THEMIS: variants seen among roughly 807,000 people sequenced by gnomAD.
The protein encoded by THEMIS is thymocyte selection associated.
Under a neutral mutation model 52.6 loss-of-function variants are expected in THEMIS, and 37 were observed. The ratio of observed to expected loss-of-function variants is 0.70; its 90% CI spans 0.54 to 0.93. The LOEUF (loss-of-function observed/expected upper bound fraction) is 0.93, where lower values mean the gene tolerates loss of function less well. THEMIS is among the 40% of genes least tolerant of loss of function. The pLI is 0.00. For missense variants in THEMIS, 808 were observed against 763.1 expected (o/e 1.06, Z -0.69); for synonymous variants, 292 against 272.7 (o/e 1.07, Z -0.70).
intron 4 of THEMIS, among the ~76,000 whole-genome samples, chr6:127,742,350 A>C (rs893717474): frequency 6.7e-6 from 1 of 148,262 alleles, no homozygotes; most frequent in Admixed American, 6.7e-5. Flanking sequence ...ACAAACAAAA[A>C]AACAAAAAAA....
chr6:127,907,373 G>T (rs1224274922), intron 1 of THEMIS, among the ~76,000 whole-genome samples: 2 of 32,952 alleles, frequency 6.1e-5, no homozygotes, highest in South Asian at 7.3e-4. Flanking sequence ...TTTTGCATGA[G>T]CGACATTTCA....
intron 3 of THEMIS, among the ~76,000 whole-genome samples, chr6:127,822,660 A>C (rs1048982358): frequency 2.0e-5 from 3 of 152,140 alleles, no homozygotes; most frequent in Non-Finnish European, 2.9e-5. Flanking sequence ...TTACATATCA[A>C]CTTGCTTAGG....
chr6:127,711,809 G>A (rs980649136), intron 5 of THEMIS, among the ~76,000 whole-genome samples: 6 of 151,938 alleles, frequency 3.9e-5, no homozygotes, highest in African/African-American at 7.2e-5. Context: ...GGAGCAGGGG[G>A]ATGGGATGAA....
chr6:127,825,897 C>T (rs1778491041), intron 3 of THEMIS, among the ~76,000 whole-genome samples: 1 of 152,076 alleles, frequency 6.6e-6, no homozygotes, highest in African/African-American at 2.4e-5. Flanking sequence ...ATAAGGTCGT[C>T]ATCGCAGAAA....
intron 1 of THEMIS, among the ~76,000 whole-genome samples, chr6:127,917,700 C>A (rs1781555921): frequency 6.6e-6 from 1 of 152,218 alleles, no homozygotes; most frequent in African/African-American, 2.4e-5. Flanking sequence ...GAGAGACCAA[C>A]ACCTGAAACA....
intron 1 of THEMIS, among the ~76,000 whole-genome samples, chr6:127,876,757 T>C (rs1223033454): frequency 1.3e-5 from 2 of 152,158 alleles, no homozygotes; most frequent in Non-Finnish European, 2.9e-5. Context: ...ACGAAAGCAA[T>C]TAACTATGGC....
intron 4 of THEMIS, among the ~76,000 whole-genome samples, chr6:127,778,620 C>T (rs1046604905): frequency 2.0e-5 from 3 of 152,066 alleles, no homozygotes; most frequent in Non-Finnish European, 4.4e-5. Flanking sequence ...GGCAGACATC[C>T]TAAGGTATAC....
intron 5 of THEMIS, among the ~76,000 whole-genome samples, chr6:127,717,212 AG>A (rs776405108): frequency 6.7e-6 from 1 of 150,242 alleles, no homozygotes; most frequent in African/African-American, 2.4e-5. Flanking sequence ...AAAAAAAAAA[AG>A]CACATGGTAT....
chr6:127,799,958 A>G (rs925796445), intron 4 of THEMIS, among the ~76,000 whole-genome samples: 6 of 152,190 alleles, frequency 3.9e-5, no homozygotes, highest in African/African-American at 1.4e-4. Flanking sequence ...GGAAAAAAGC[A>G]TCAATTAGCC....
At chr6:127,739,677 C>A (rs1369464967) in intron 4 of THEMIS, among the ~76,000 whole-genome samples, 1 of 152,082 alleles carries the variant, frequency 6.6e-6, no homozygotes, top group African/African-American at 2.4e-5. Flanking sequence ...GAAATTATTT[C>A]CAGCTGCCTT....
chr6:127,750,144 AC>A (rs1775587035), intron 4 of THEMIS, among the ~76,000 whole-genome samples: 1 of 151,102 alleles, frequency 6.6e-6, no homozygotes, highest in African/African-American at 2.4e-5. Context: ...ACTTTGTTGT[AC>A]CTAGGTTGTA....
At chr6:127,791,304 A>G (rs1777147555) in intron 4 of THEMIS, among the ~76,000 whole-genome samples, 1 of 152,064 alleles carries the variant, frequency 6.6e-6, no homozygotes, top group Non-Finnish European at 1.5e-5. Flanking sequence ...AGCTGTCAGC[A>G]GAAAGGAGAC....
chr6:127,738,537 C>T (rs565425063), intron 4 of THEMIS, among the ~76,000 whole-genome samples: 4 of 152,280 alleles, frequency 2.6e-5, no homozygotes, highest in Admixed American at 6.5e-5. Context: ...CTATTGCCCA[C>T]ATTGTAAATT....
intron 4 of THEMIS, among the ~76,000 whole-genome samples, chr6:127,808,909 C>T (rs577978412): frequency 1.9e-4 from 29 of 152,298 alleles, no homozygotes; most frequent in African/African-American, 7.0e-4. Flanking sequence ...TTGTAGTGTT[C>T]ATAACCAACC....
intron 4 of THEMIS, 41 bp from the exon 5 acceptor site, chr6:127,719,864 T>C: frequency 6.2e-7 from 1 of 1,603,102 alleles, no homozygotes; most frequent in Non-Finnish European, 8.5e-7. Context: ...CAGTCCAAAA[T>C]AAATGCTTCA....
At chr6:127,724,187 A>G (rs1353670372) in intron 4 of THEMIS, among the ~76,000 whole-genome samples, 2 of 152,144 alleles carry the variant, frequency 1.3e-5, no homozygotes, top group Non-Finnish European at 2.9e-5. Context: ...TTATCCATAA[A>G]AAACACATAT....
chr6:127,877,400 T>G (rs1339889209), intron 1 of THEMIS, among the ~76,000 whole-genome samples: 1 of 152,244 alleles, frequency 6.6e-6, no homozygotes, highest in Non-Finnish European at 1.5e-5. Context: ...TATTGGCTTT[T>G]GACGTTCCTT....
intron 4 of THEMIS, among the ~76,000 whole-genome samples, chr6:127,726,039 A>G (rs1241470122): frequency 1.3e-5 from 2 of 151,970 alleles, no homozygotes; most frequent in African/African-American, 4.8e-5. Context: ...TCTTATTCAA[A>G]TGTGACCTTG....
chr6:127,757,543 C>T (rs914677759), intron 4 of THEMIS, among the ~76,000 whole-genome samples: 15 of 151,476 alleles, frequency 9.9e-5, no homozygotes, highest in African/African-American at 1.2e-4. Context: ...AGTGCAGTGG[C>T]GCTATCTCGG....
Sources: gnomAD v4.1 joint callset for allele counts (sites outside exome capture counted in the v4.1 genomes callset) on GRCh38, gnomAD v4.1.1 for gene constraint, MANE v1.5 for transcripts, NCBI Gene and HGNC (gene_info 2026-07-23, HGNC 2026-07-21) for gene names.